MARCHF1: variants seen among roughly 807,000 people sequenced by gnomAD.
MARCHF1 encodes E3 ubiquitin-protein ligase MARCHF1.
MARCHF1 carries 40 observed loss-of-function variants against 54.2 expected under a neutral mutation model. The observed-to-expected ratio is 0.74, with a 90% confidence interval of 0.57 to 0.96. The LOEUF (loss-of-function observed/expected upper bound fraction) is 0.96, where lower values mean the gene tolerates loss of function less well. Among genes scored for constraint, MARCHF1 ranks in the 40% least tolerant of loss-of-function variants. The probability of loss-of-function intolerance (pLI) is 0.00; values close to 1 mark genes in which losing one functional copy is unlikely to be tolerated. For missense variants in MARCHF1, 586 were observed against 656.5 expected (o/e 0.89, Z 1.17); for synonymous variants, 236 against 236.3 (o/e 1.00, Z 0.01).
At chr4:163,593,101 T>C (rs1158704758) in intron 7 of MARCHF1, among the ~76,000 whole-genome samples, 1 of 152,166 alleles carries the variant, frequency 6.6e-6, no homozygotes, top group Non-Finnish European at 1.5e-5. Context: ...GGAAATGAGT[T>C]CCCCAGTGCC....
At chr4:163,880,014 G>A (rs1166815665) in intron 3 of MARCHF1, among the ~76,000 whole-genome samples, 1 of 151,812 alleles carries the variant, frequency 6.6e-6, no homozygotes, top group African/African-American at 2.4e-5. Flanking sequence ...AAAAAGTTTT[G>A]CTATATTCAC....
At chr4:163,841,681 G>A (rs1477427082) in intron 4 of MARCHF1, among the ~76,000 whole-genome samples, 5 of 152,044 alleles carry the variant, frequency 3.3e-5, no homozygotes, top group African/African-American at 1.2e-4. Flanking sequence ...TTCAACCCAT[G>A]AAAACAAGAT....
intron 4 of MARCHF1, among the ~76,000 whole-genome samples, chr4:163,794,814 T>C (rs72685621): frequency 0.038 from 5,854 of 152,278 alleles, 163 homozygotes; most frequent in South Asian, 0.075. Context: ...TAAAAAATTT[T>C]ATTTTGAAAC....
intron 2 of MARCHF1, among the ~76,000 whole-genome samples, chr4:164,098,175 T>G (rs1755456522): frequency 6.6e-6 from 1 of 152,184 alleles, no homozygotes; most frequent in South Asian, 2.1e-4. Flanking sequence ...AAACAAAATT[T>G]CAGATTATCA....
At chr4:164,195,933 A>G (rs561774833) in intron 1 of MARCHF1, among the ~76,000 whole-genome samples, 8 of 152,328 alleles carry the variant, frequency 5.3e-5, no homozygotes, top group Non-Finnish European at 1.0e-4. Flanking sequence ...GAATTTATTG[A>G]GGTCTCCAAT....
intron 2 of MARCHF1, among the ~76,000 whole-genome samples, chr4:164,062,775 C>T (rs542016154): frequency 1.3e-5 from 2 of 152,258 alleles, no homozygotes; most frequent in South Asian, 2.1e-4. Flanking sequence ...CCGCCCGCCT[C>T]GGCCTCCCAA....
chr4:163,743,510 C>A (rs1746268904), intron 4 of MARCHF1, among the ~76,000 whole-genome samples: 1 of 152,038 alleles, frequency 6.6e-6, no homozygotes, highest in African/African-American at 2.4e-5. Context: ...ATTACCCACA[C>A]CTAATTCGCT....
intron 2 of MARCHF1, among the ~76,000 whole-genome samples, chr4:164,089,283 A>C (rs1755252417): frequency 6.6e-6 from 1 of 152,168 alleles, no homozygotes; most frequent in African/African-American, 2.4e-5. Context: ...CATATGAAAG[A>C]GTTTTAGAAA....
chr4:164,012,127 T>A (rs71614786), intron 2 of MARCHF1, among the ~76,000 whole-genome samples: 7,913 of 152,150 alleles, frequency 0.052, 305 homozygotes, highest in Middle Eastern at 0.13. Context: ...CAGAATAAAT[T>A]TAAGTGGCAG....
chr4:163,991,433 GC>G (rs1283509853), intron 2 of MARCHF1, among the ~76,000 whole-genome samples: 1 of 152,116 alleles, frequency 6.6e-6, no homozygotes, highest in Non-Finnish European at 1.5e-5. Flanking sequence ...TCCTCAAGCA[GC>G]TTCCATAGTG....
intron 3 of MARCHF1, among the ~76,000 whole-genome samples, chr4:163,861,533 C>T (rs555275704): frequency 3.3e-5 from 5 of 151,918 alleles, no homozygotes; most frequent in Non-Finnish European, 7.4e-5. Flanking sequence ...AACAATTTTA[C>T]AGGATTTATA....
intron 2 of MARCHF1, among the ~76,000 whole-genome samples, chr4:164,055,725 A>G (rs918412255): frequency 6.6e-6 from 1 of 152,244 alleles, no homozygotes; most frequent in Non-Finnish European, 1.5e-5. Flanking sequence ...CCATTGCTTG[A>G]TTAAATTTAT....
intron 8 of MARCHF1, among the ~76,000 whole-genome samples, chr4:163,578,420 T>G (rs573332416): frequency 6.6e-6 from 1 of 152,284 alleles, no homozygotes; most frequent in African/African-American, 2.4e-5. Flanking sequence ...AAGTTCTATT[T>G]AATCTATCCA....
intron 3 of MARCHF1, among the ~76,000 whole-genome samples, chr4:163,965,775 A>G (rs1406456554): frequency 6.6e-6 from 1 of 152,132 alleles, no homozygotes; most frequent in East Asian, 1.9e-4. Context: ...CTGAAAAACT[A>G]CATAACTGGA....
At chr4:164,209,119 T>A (rs1731695171) in intron 1 of MARCHF1, among the ~76,000 whole-genome samples, 1 of 151,980 alleles carries the variant, frequency 6.6e-6, no homozygotes. Flanking sequence ...CTGGTTGCAA[T>A]TTTTTTGCAT....
At chr4:163,550,708 C>G (rs1022118284) in intron 8 of MARCHF1, among the ~76,000 whole-genome samples, 4 of 152,102 alleles carry the variant, frequency 2.6e-5, no homozygotes, top group African/African-American at 9.7e-5. Context: ...TATTTACATG[C>G]CTTAGTAAGA....
chr4:163,585,936 A>G lies in MARCHF1; in HGVS notation c.1011-7T>C. ...CCCTTCGCAGTGACAGATTCTGCAG[A>G]AAGACACAGCAGCCAGTATGAGATC... On this transcript the variant is annotated splice_region_variant and splice_polypyrimidine_tract_variant and intron_variant, in intron 7 of 9. Transcript: ENST00000514618. 6.3e-7 allele frequency: 1 copy of G among 1,598,016 alleles called. No individual in the cohort carries two copies.
intron 1 of MARCHF1, among the ~76,000 whole-genome samples, chr4:164,257,109 AC>A (rs1167648614): frequency 6.6e-6 from 1 of 152,170 alleles, no homozygotes; most frequent in Non-Finnish European, 1.5e-5. Context: ...ACTGTTCATC[AC>A]ATAATATATA....
chr4:164,019,740 C>A (rs1753621891), intron 2 of MARCHF1, among the ~76,000 whole-genome samples: 2 of 152,104 alleles, frequency 1.3e-5, no homozygotes, highest in African/African-American at 4.8e-5. Context: ...ACTGAGCTCC[C>A]AATTCATGTC....
Sources: gnomAD v4.1 joint callset for allele counts (sites outside exome capture counted in the v4.1 genomes callset) on GRCh38, gnomAD v4.1.1 for gene constraint, MANE v1.5 for transcripts, NCBI Gene and HGNC (gene_info 2026-07-23, HGNC 2026-07-21) for gene names.